BANK1: variants seen among roughly 807,000 people sequenced by gnomAD.
BANK1 encodes B cell scaffold protein with ankyrin repeats 1.
Under a neutral mutation model 94.5 loss-of-function variants are expected in BANK1, and 95 were observed. The ratio of observed to expected loss-of-function variants is 1.00; its 90% CI spans 0.85 to 1.19. The LOEUF (loss-of-function observed/expected upper bound fraction) is 1.19, where lower values mean the gene tolerates loss of function less well. BANK1 is among the 50% of genes most tolerant of loss of function. BANK1 has a pLI of 0.00. For missense variants in BANK1, 987 were observed against 932.2 expected (o/e 1.06, Z -0.77); for synonymous variants, 334 against 308.4 (o/e 1.08, Z -0.87).
intron 2 of BANK1, among the ~76,000 whole-genome samples, chr4:101,841,424 G>A (rs10032160): frequency 0.45 from 68,577 of 151,858 alleles, 16,542 homozygotes; most frequent in African/African-American, 0.63. Flanking sequence ...GAATATATGA[G>A]TATCTTTTTT....
intron 5 of BANK1, among the ~76,000 whole-genome samples, chr4:101,892,785 A>G (rs1167970450): frequency 6.6e-6 from 1 of 152,004 alleles, no homozygotes; most frequent in Non-Finnish European, 1.5e-5. Context: ...ATAAGAAGAG[A>G]AAAATTCTAA....
intron 7 of BANK1, among the ~76,000 whole-genome samples, chr4:101,964,555 A>T (rs1724681308): frequency 6.6e-6 from 1 of 151,998 alleles, no homozygotes; most frequent in Admixed American, 6.6e-5. Flanking sequence ...TACAGTTTTA[A>T]CTAGCATGTA....
intron 6 of BANK1, among the ~76,000 whole-genome samples, chr4:101,915,903 G>T (rs989788346): frequency 6.6e-6 from 1 of 151,904 alleles, no homozygotes; most frequent in African/African-American, 2.4e-5. Context: ...GTTATATAAT[G>T]GTTCTCCTGT....
chr4:101,805,370 A>G (rs915622529), intron 1 of BANK1, among the ~76,000 whole-genome samples: 1 of 152,140 alleles, frequency 6.6e-6, no homozygotes, highest in African/African-American at 2.4e-5. Context: ...CAGTAGCTTT[A>G]GTACTCAGGT....
intron 1 of BANK1, among the ~76,000 whole-genome samples, chr4:101,808,737 C>T (rs560268706): frequency 6.6e-6 from 1 of 151,894 alleles, no homozygotes; most frequent in East Asian, 1.9e-4. Flanking sequence ...AAATAGCCAA[C>T]AAACATATGA....
intron 11 of BANK1, among the ~76,000 whole-genome samples, chr4:102,059,046 T>TATC (rs1306847565): frequency 1.3e-5 from 2 of 152,216 alleles, no homozygotes; most frequent in Non-Finnish European, 2.9e-5. Flanking sequence ...TAACATTTGC[T>TATC]ATCAAATACT....
chr4:102,035,535 C>T (rs1014065623), intron 10 of BANK1, among the ~76,000 whole-genome samples: 3 of 151,812 alleles, frequency 2.0e-5, no homozygotes, highest in Non-Finnish European at 4.4e-5. Flanking sequence ...GTAGTCCCAG[C>T]TACTTGGGAG....
At chr4:102,007,073 T>TATATATAAATATATATATA (rs1449585311) in intron 7 of BANK1, among the ~76,000 whole-genome samples, 3 of 100,426 alleles carry the variant, frequency 3.0e-5, no homozygotes, top group Non-Finnish European at 6.7e-5. Context: ...TAATTTTATA[T>TATATATAAATATATATATA]ATATATAAAT....
intron 7 of BANK1, among the ~76,000 whole-genome samples, chr4:101,982,917 TAGA>T (rs1188245719): frequency 6.6e-6 from 1 of 152,026 alleles, no homozygotes; most frequent in African/African-American, 2.4e-5. Context: ...CAAGATTATG[TAGA>T]AGCTTTCCCT....
intron 6 of BANK1, among the ~76,000 whole-genome samples, chr4:101,903,331 T>C (rs543641924): frequency 1.3e-5 from 2 of 152,338 alleles, no homozygotes; most frequent in African/African-American, 4.8e-5. Flanking sequence ...CTAGCTGTAT[T>C]TGTGCCTTCA....
chr4:101,946,439 T>A (rs1176604101), intron 7 of BANK1, among the ~76,000 whole-genome samples: 1 of 151,996 alleles, frequency 6.6e-6, no homozygotes. Context: ...TCTTTACCTA[T>A]GTTTAGAATT....
chr4:101,838,454 C>T (rs1484687468), intron 2 of BANK1, among the ~76,000 whole-genome samples: 1 of 152,064 alleles, frequency 6.6e-6, no homozygotes, highest in Non-Finnish European at 1.5e-5. Context: ...ATGATTTCCT[C>T]TTTATTTTTG....
chr4:101,997,882 T>A (rs947058515), intron 7 of BANK1, among the ~76,000 whole-genome samples: 6 of 152,190 alleles, frequency 3.9e-5, no homozygotes, highest in Non-Finnish European at 8.8e-5. Flanking sequence ...CTGGATTCAT[T>A]GATTTTTGAA....
At chr4:102,054,038 C>G (rs1728142335) in intron 11 of BANK1, among the ~76,000 whole-genome samples, 2 of 151,918 alleles carry the variant, frequency 1.3e-5, no homozygotes, top group South Asian at 4.2e-4. Context: ...ACAATAAATT[C>G]ATATCAGTTA....
intron 13 of BANK1, among the ~76,000 whole-genome samples, chr4:102,066,368 T>G (rs1728593216): frequency 6.6e-6 from 1 of 151,538 alleles, no homozygotes; most frequent in Non-Finnish European, 1.5e-5. Flanking sequence ...GCTATTCTCC[T>G]GCCTCAGCCT....
At chr4:101,834,437 G>T (rs1726748960) in intron 2 of BANK1, among the ~76,000 whole-genome samples, 1 of 152,130 alleles carries the variant, frequency 6.6e-6, no homozygotes. Flanking sequence ...GCATATAGTT[G>T]TATTTCCAAG....
chr4:101,835,554 T>A (rs1726791817), intron 2 of BANK1, among the ~76,000 whole-genome samples: 1 of 152,224 alleles, frequency 6.6e-6, no homozygotes, highest in Non-Finnish European at 1.5e-5. Flanking sequence ...TTACACTTTT[T>A]AAAAGAAGGA....
chr4:101,873,096 C>T (rs1242689964), intron 5 of BANK1, among the ~76,000 whole-genome samples: 1 of 145,624 alleles, frequency 6.9e-6, no homozygotes, highest in African/African-American at 2.6e-5. Flanking sequence ...GTAATTGTTT[C>T]TTTCATGGGC....
intron 10 of BANK1, among the ~76,000 whole-genome samples, chr4:102,039,830 G>T (rs1321955673): frequency 6.6e-6 from 1 of 151,976 alleles, no homozygotes; most frequent in Non-Finnish European, 1.5e-5. Context: ...TCCCCTGAAA[G>T]CCCAGAGCAC....
Sources: allele counts gnomAD v4.1 joint callset (sites outside exome capture counted in the v4.1 genomes callset), GRCh38; gene constraint gnomAD v4.1.1; transcripts MANE v1.5; gene names NCBI Gene and HGNC (gene_info 2026-07-23, HGNC 2026-07-21).